Variants in CNTNAP2 observed in about 807,000 individuals in gnomAD.
The protein encoded by CNTNAP2 is contactin-associated protein-like 2.
In CNTNAP2, 98 loss-of-function variants were observed where a neutral mutation model predicts 155.2. The ratio of observed to expected loss-of-function variants is 0.63; its 90% confidence interval spans 0.54 to 0.75. The LOEUF (loss-of-function observed/expected upper bound fraction) is 0.75, where lower values mean the gene tolerates loss of function less well. Ranked by LOEUF, CNTNAP2 falls within the 30% of genes least tolerant of loss-of-function variation. CNTNAP2 has a pLI of 0.00. For missense variants in CNTNAP2, 1,727 were observed against 1,688.1 expected, an observed-to-expected ratio of 1.02 and a Z score of -0.40; for synonymous variants, 651 against 631.2, an observed-to-expected ratio of 1.03 and a Z score of -0.47.
At chr7:147,146,653 G>A (rs998048698) in intron 8 of CNTNAP2, 4 of 152,304 alleles carry the variant, frequency 2.6e-5, no homozygotes, top group African/African-American at 9.6e-5. Flanking sequence ...AAGTGATCCA[G>A]TTGCACAGCT....
chr7:147,099,714 A>C (rs1800617118), intron 4 of CNTNAP2, among the ~76,000 whole-genome samples: 1 of 152,200 alleles, frequency 6.6e-6, no homozygotes, highest in Non-Finnish European at 1.5e-5. Context: ...AAATGTTGGG[A>C]ATAATTTAAA....
intron 1 of CNTNAP2, among the ~76,000 whole-genome samples, chr7:146,395,810 T>TAGAG: frequency 7.2e-6 from 1 of 139,432 alleles, no homozygotes. Context: ...GATAGATAGA[T>TAGAG]AGATAGATAG....
At chr7:147,468,413 T>C (rs1183754254) in intron 10 of CNTNAP2, among the ~76,000 whole-genome samples, 1 of 152,256 alleles carries the variant, frequency 6.6e-6, no homozygotes, top group African/African-American at 2.4e-5. Flanking sequence ...TGCTTAACTA[T>C]TGGGTTTCTC....
At chr7:148,182,390 T>C (rs1006010611) in intron 18 of CNTNAP2, among the ~76,000 whole-genome samples, 3 of 146,072 alleles carry the variant, frequency 2.1e-5, no homozygotes, top group African/African-American at 7.4e-5. Context: ...ACGTCCACGC[T>C]GCCCTTGAGT....
At chr7:147,102,471 A>C (rs1800677136) in intron 4 of CNTNAP2, among the ~76,000 whole-genome samples, 1 of 152,162 alleles carries the variant, frequency 6.6e-6, no homozygotes, top group Non-Finnish European at 1.5e-5. Context: ...AATGGTATGC[A>C]GAAATGAAAT....
intron 4 of CNTNAP2, among the ~76,000 whole-genome samples, chr7:147,079,323 G>A (rs1399553466): frequency 1.3e-5 from 2 of 152,034 alleles, no homozygotes; most frequent in Admixed American, 1.3e-4. Context: ...TCTGGGACCT[G>A]TGCTACCTGC....
intron 12 of CNTNAP2, among the ~76,000 whole-genome samples, chr7:147,583,503 C>CATATAT (rs71183019): frequency 0.036 from 4,664 of 128,956 alleles, 99 homozygotes; most frequent in East Asian, 0.065. Flanking sequence ...AAAGACATGA[C>CATATAT]ATATATATAT....
chr7:148,159,179 T>C (rs991080447), intron 17 of CNTNAP2, among the ~76,000 whole-genome samples: 1 of 152,152 alleles, frequency 6.6e-6, no homozygotes, highest in African/African-American at 2.4e-5. Flanking sequence ...CTCTCTTCCT[T>C]TCATGGTCCT....
chr7:146,295,743 T>C (rs1479812076), intron 1 of CNTNAP2, among the ~76,000 whole-genome samples: 1 of 151,924 alleles, frequency 6.6e-6, no homozygotes, highest in Non-Finnish European at 1.5e-5. Flanking sequence ...TTAGAATTAT[T>C]ATCCTGAAAG....
intron 13 of CNTNAP2, among the ~76,000 whole-genome samples, chr7:147,899,190 A>C (rs1799820896): frequency 6.6e-6 from 1 of 152,080 alleles, no homozygotes; most frequent in South Asian, 2.1e-4. Flanking sequence ...AAATACAAAA[A>C]TTAGCCAAGT....
intron 21 of CNTNAP2, among the ~76,000 whole-genome samples, chr7:148,285,898 C>T (rs1797073337): frequency 6.6e-6 from 1 of 152,062 alleles, no homozygotes; most frequent in African/African-American, 2.4e-5. Flanking sequence ...AACTTACTGC[C>T]AATAGCTTAC....
intron 13 of CNTNAP2, among the ~76,000 whole-genome samples, chr7:147,817,720 G>C (rs188701691): frequency 1.3e-5 from 2 of 152,050 alleles, no homozygotes; most frequent in East Asian, 3.9e-4. Context: ...TGGCTAACAT[G>C]GTGAAACCCT....
At chr7:146,837,456 TTA>T (rs1246087034) in intron 2 of CNTNAP2, among the ~76,000 whole-genome samples, 3 of 152,162 alleles carry the variant, frequency 2.0e-5, no homozygotes, top group Non-Finnish European at 2.9e-5. Flanking sequence ...TAAAAAATGT[TTA>T]TATGTTTTAT....
At chr7:146,158,892 G>A (rs997721148) in intron 1 of CNTNAP2, among the ~76,000 whole-genome samples, 3 of 152,124 alleles carry the variant, frequency 2.0e-5, no homozygotes, top group African/African-American at 7.2e-5. Context: ...TACAGAGAAT[G>A]CTACAAAGAT....
chr7:147,526,539 G>A (rs1799324857), intron 11 of CNTNAP2, among the ~76,000 whole-genome samples: 1 of 152,128 alleles, frequency 6.6e-6, no homozygotes, highest in Non-Finnish European at 1.5e-5. Flanking sequence ...CTCTAATAAT[G>A]GTTTAGTGCT....
At chr7:146,182,806 A>T (rs2116838734) in intron 1 of CNTNAP2, among the ~76,000 whole-genome samples, 1 of 152,226 alleles carries the variant, frequency 6.6e-6, no homozygotes, top group African/African-American at 2.4e-5. Flanking sequence ...TTCCCTTGCT[A>T]ACTCATGTCT....
chr7:146,354,780 C>T (rs538577800), intron 1 of CNTNAP2, among the ~76,000 whole-genome samples: 5 of 151,926 alleles, frequency 3.3e-5, no homozygotes, highest in Admixed American at 1.3e-4. Flanking sequence ...TGGTCTCTTT[C>T]TCTACAGATT....
chr7:147,071,724 A>G lies in CNTNAP2; in HGVS notation c.550+27670A>G, dbSNP rs562081154. 4.7e-4 allele frequency among the ~76,000 whole-genome samples: 72 copies of G among 152,340 alleles called. 1 individual carries two copies. The South Asian group carries it at 0.013, about 29-fold the overall frequency. Reference sequence around the variant, plus strand: ...GGGTAGTTAAGGCTGAGGGAGTGGCACAGAATGAATCAACTAGCAAGTTAA... The same window carrying G: ...GGGTAGTTAAGGCTGAGGGAGTGGCGCAGAATGAATCAACTAGCAAGTTAA... On this transcript the variant is annotated intron_variant, in intron 4 of 23. Coordinates refer to ENST00000361727, the MANE Select transcript of CNTNAP2 (RefSeq NM_014141.6).
intron 13 of CNTNAP2, among the ~76,000 whole-genome samples, chr7:147,895,642 G>A (rs1355835687): frequency 2.0e-5 from 3 of 151,910 alleles, no homozygotes; most frequent in East Asian, 3.9e-4. Context: ...ACCACTTTTT[G>A]CCCTTGTCTT....
Sources: gnomAD v4.1 joint callset for allele counts (sites outside exome capture counted in the v4.1 genomes callset) on GRCh38, gnomAD v4.1.1 for gene constraint, MANE v1.5 for transcripts, NCBI Gene and HGNC (gene_info 2026-07-23, HGNC 2026-07-21) for gene names.